The following ANKRD17 variants were observed in gnomAD, a reference collection of about 807,000 sequenced individuals.
The protein encoded by ANKRD17 is ankyrin repeat domain 17, also known as ankyrin repeat domain-containing protein 17.
In ANKRD17, 19 loss-of-function variants were observed where a neutral mutation model predicts 229.7. The observed-to-expected ratio is 0.08, with a 90% CI of 0.06 to 0.12. The LOEUF is 0.12. Among genes scored for constraint, ANKRD17 ranks in the 10% least tolerant of loss-of-function variants. The pLI, the probability that ANKRD17 is intolerant of heterozygous loss-of-function variation, is 1.00. For missense variants in ANKRD17, 2,176 were observed against 3,176.8 expected, an observed-to-expected ratio of 0.68 and a Z score of 7.57; for synonymous variants, 1,112 against 1,146.1, an observed-to-expected ratio of 0.97 and a Z score of 0.60.
At chr4:73,258,179 C>G in intron 1 of ANKRD17, 97 bp downstream of exon 1, 1 of 1,574,862 alleles carries the variant, frequency 6.3e-7, no homozygotes, top group Non-Finnish European at 8.6e-7. Context: ...AAGAGATCAA[C>G]CCACTGGAAT....
chr4:73,186,755 A>G (rs1736346720), intron 1 of ANKRD17, among the ~76,000 whole-genome samples: 1 of 152,202 alleles, frequency 6.6e-6, no homozygotes, highest in African/African-American at 2.4e-5. Context: ...GTTCTATGGA[A>G]TTCTCAAATC....
chr4:73,121,756 C>T lies in ANKRD17; in HGVS notation c.3496G>A (p.Val1166Met), dbSNP rs139919495. 2.2e-5 allele frequency: 35 copies of T among 1,582,972 alleles called. No homozygotes were observed. In the African/African-American group the frequency reaches 4.0e-4, roughly 18 times the overall value. Residue 1166 changes from valine (V) to methionine (M), a missense_variant, in exon 19 of 34, where the codon GTG becomes ATG. Val to Met is a conservative substitution (Grantham distance 21). This residue lies in a region of ANKRD17 where 178 missense variants were observed against 421.7 expected (regional missense o/e 0.42). Coordinates refer to ENST00000358602, the MANE Select transcript of ANKRD17 (RefSeq NM_032217.5). ...GCCCCTCGAGCTAACAATAGCTCCA[C>T]CACCTGAAAATAAAATAGAAAAAAA... ...LACSGGRQEV[V>M]ELLLARGANK...
At chr4:73,181,244 A>G (rs1011928324) in intron 1 of ANKRD17, among the ~76,000 whole-genome samples, 1 of 152,210 alleles carries the variant, frequency 6.6e-6, no homozygotes, top group East Asian at 1.9e-4. Flanking sequence ...TATTGCAAAC[A>G]TTCTATGTGT....
chr4:73,145,294 T>C (rs1730122921), intron 10 of ANKRD17, among the ~76,000 whole-genome samples: 1 of 152,184 alleles, frequency 6.6e-6, no homozygotes, highest in African/African-American at 2.4e-5. Flanking sequence ...AGTAAGTACA[T>C]CATTACCATC....
Position 73,125,052 on chromosome 4 carries a change from G to A in ANKRD17, c.3353C>T (p.Thr1118Ile). The A allele has an allele frequency of 6.2e-7, 1 of 1,614,078 alleles. No individual in the cohort carries two copies. The highest frequency in any genetic ancestry group is 8.5e-7 in the Non-Finnish European group (1 of 1,179,996). ...AGCTGTGGCAGCCAAGATGAGTGGAGTAAAACCTGGAGAAAAATAATGATC... is the reference window on the plus strand; with the variant it reads ...AGCTGTGGCAGCCAAGATGAGTGGAATAAAACCTGGAGAAAAATAATGATC... ...SIEHRDKKGFTPLILAATAGH... is the reference protein window; with the variant it reads ...SIEHRDKKGFIPLILAATAGH... The change falls in exon 18 of 34, where the codon ACT becomes ATT. Residue 1118 changes from threonine (T) to isoleucine (I), a missense_variant. Physicochemically the swap from Thr to Ile is moderately conservative, Grantham distance 89. Transcript: ENST00000358602.
chr4:73,217,066 T>G (rs1212535088), intron 1 of ANKRD17, among the ~76,000 whole-genome samples: 2 of 152,194 alleles, frequency 1.3e-5, no homozygotes, highest in Non-Finnish European at 2.9e-5. Flanking sequence ...TCAGAACCAG[T>G]AAAGGGCCAA....
chr4:73,218,367 G>A (rs1013484495), intron 1 of ANKRD17, among the ~76,000 whole-genome samples: 4 of 152,038 alleles, frequency 2.6e-5, no homozygotes, highest in Admixed American at 6.5e-5. Context: ...GGCAGAGGCC[G>A]GCTGCAGTGG....
Position 73,090,759 on chromosome 4 carries a change from T to C in ANKRD17, c.6869A>G (p.Tyr2290Cys). The C allele has an allele frequency of 1.9e-6, 3 of 1,614,084 alleles. No homozygotes were observed. The highest frequency in any genetic ancestry group is 2.5e-6 in the Non-Finnish European group (3 of 1,180,012). ...ATGTAAAGGATCTGAATTTGGCAAA[T>C]ATGAGGATTTTCCTGATAGCATAGA... ...PESMLSGKSS[Y>C]LPNSDPLHQS... The change falls in exon 29 of 34, where the codon TAT becomes TGT. Residue 2290 changes from tyrosine to cysteine, a missense_variant. Physicochemically the swap from Tyr to Cys is radical, Grantham distance 194. This residue lies in a region of ANKRD17 where 424 missense variants were observed against 454.0 expected (regional missense o/e 0.93). Transcript: ENST00000358602.
At chr4:73,174,007 AGCCAGTATCACCC>A in intron 2 of ANKRD17, among the ~76,000 whole-genome samples, 1 of 151,490 alleles carries the variant, frequency 6.6e-6, no homozygotes, top group South Asian at 2.1e-4. Flanking sequence ...CATTCTATGA[AGCCAGTATCACCC>A]TAATACCAAA....
chr4:73,221,086 G>A (rs1005965089), intron 1 of ANKRD17, among the ~76,000 whole-genome samples: 1 of 151,948 alleles, frequency 6.6e-6, no homozygotes, highest in Non-Finnish European at 1.5e-5. Flanking sequence ...CTTTGGATAA[G>A]GCTCTTTTAT....
intron 5 of ANKRD17, 83 bp from the exon 6 acceptor site, chr4:73,154,196 A>C (rs1345471752): frequency 1.2e-6 from 1 of 849,928 alleles, no homozygotes; most frequent in Non-Finnish European, 1.7e-6. Flanking sequence ...AAGAAAATGG[A>C]AACAGAAGAC....
Position 73,097,289 on chromosome 4 carries a change from G to C in ANKRD17, c.5022-17C>G. On this transcript the variant is annotated splice_polypyrimidine_tract_variant and intron_variant, in intron 26 of 33. Coordinates refer to ENST00000358602, the MANE Select transcript of ANKRD17 (RefSeq NM_032217.5). ...TCTGACAATCTTTAACAAAGAGAGGGAAAGTACATTAAATATGGAACAGAT... is the reference window on the plus strand; with the variant it reads ...TCTGACAATCTTTAACAAAGAGAGGCAAAGTACATTAAATATGGAACAGAT... 6.4e-7 allele frequency: 1 copy of C among 1,559,262 alleles called. No homozygotes were observed. The highest frequency in any genetic ancestry group is 1.7e-4 in the Middle Eastern group (1 of 5,904).
rs144178313 is a variant in ANKRD17 at position 73,136,348 on chromosome 4, A to G, written c.3086-1083T>C. Among the ~76,000 whole-genome samples the G allele has an allele frequency of 7.9e-5, 12 of 152,326 alleles. No individual in the cohort carries two copies. In the East Asian group the frequency reaches 2.3e-3, roughly 29 times the overall value. The stretch of plus-strand genomic sequence containing the variant: ...ACAACTGGATCTGAAACCAGGCAAA[A>G]GAGATTATGATCCTGTCAAGAATAA... On this transcript the variant is annotated intron_variant, in intron 15 of 33. Coordinates refer to ENST00000358602, the MANE Select transcript of ANKRD17 (RefSeq NM_032217.5).
rs1720978098 is a variant in ANKRD17 at position 73,076,121 on chromosome 4, C to T, written c.*110G>A. ...AGATCTTCTGCAAAAAGCCTACACA[C>T]TTCAGTCAAGCACATCAGTAGAATG... On this transcript the variant is annotated 3_prime_UTR_variant, in exon 34 of 34. Transcript: ENST00000358602. 2 of 880,282 alleles carry T rather than the reference C, an allele frequency of 2.3e-6. No individual in the cohort carries two copies. Among genetic ancestry groups the T allele is most frequent in the African/African-American group, 1.7e-5 (1 of 57,148 alleles). 54.5% of individuals were successfully genotyped at this position (880,282 alleles called of 1,614,324 possible).
At position 73,091,482 on chromosome 4, in the gene ANKRD17, G is replaced by C; in HGVS notation, c.6146C>G (p.Pro2049Arg). 6.2e-7 allele frequency: 1 copy of C among 1,614,196 alleles called. No homozygotes were observed. Among genetic ancestry groups the C allele is most frequent in the Non-Finnish European group, 8.5e-7 (1 of 1,180,038 alleles). ...TCTAGAAACCCCTCCTGGCTGGGCTGGTGGTGATGGGGAAGATGGGGATGA... is the reference window on the plus strand; with the variant it reads ...TCTAGAAACCCCTCCTGGCTGGGCTCGTGGTGATGGGGAAGATGGGGATGA... The part of the protein sequence containing the change: ...PVSSPSSPSP[P>R]AQPGGVSRNS... Residue 2049 changes from proline (P) to arginine (R), a missense_variant, in exon 29 of 34, where the codon CCA becomes CGA. Pro to Arg is a moderately radical substitution (Grantham distance 103). This residue lies in a region of ANKRD17 where 424 missense variants were observed against 454.0 expected (regional missense o/e 0.93). Coordinates refer to ENST00000358602, the MANE Select transcript of ANKRD17 (RefSeq NM_032217.5).
chr4:73,147,995 A>T (rs1730515916), intron 8 of ANKRD17, among the ~76,000 whole-genome samples: 1 of 152,094 alleles, frequency 6.6e-6, no homozygotes, highest in African/African-American at 2.4e-5. Context: ...CTGTTCTATT[A>T]GCTTTATACA....
chr4:73,128,201 T>G (rs1169484016), intron 16 of ANKRD17, among the ~76,000 whole-genome samples: 1 of 152,264 alleles, frequency 6.6e-6, no homozygotes, highest in Admixed American at 6.5e-5. Flanking sequence ...GATGGCCACA[T>G]AAGCTAACAA....
At chr4:73,198,127 A>G (rs986765766) in intron 1 of ANKRD17, among the ~76,000 whole-genome samples, 20 of 152,296 alleles carry the variant, frequency 1.3e-4, no homozygotes, top group African/African-American at 3.6e-4. Context: ...AATTGTCCCA[A>G]ACAAATTAAA....
intron 8 of ANKRD17, 141 bp from the exon 9 acceptor site, chr4:73,147,573 A>G (rs368241262): frequency 1.1e-5 from 7 of 665,652 alleles, no homozygotes; most frequent in African/African-American, 3.8e-5. Flanking sequence ...CCTCTCTCCT[A>G]ACTCCTAAGG....
Sources: allele counts gnomAD v4.1 joint callset (sites outside exome capture counted in the v4.1 genomes callset), GRCh38; gene constraint gnomAD v4.1.1; regional missense constraint gnomAD v4.1.1; transcripts MANE v1.5; gene names NCBI Gene and HGNC (gene_info 2026-07-23, HGNC 2026-07-21).